The following DGKH variants were observed in gnomAD, a reference collection of about 807,000 sequenced individuals.
DGKH encodes the protein DAG kinase eta.
In DGKH, 90 loss-of-function variants were observed where a neutral mutation model predicts 159.3. That is an observed-to-expected ratio of 0.57 (90% CI 0.48 to 0.67). The LOEUF (loss-of-function observed/expected upper bound fraction) is 0.67. Among genes scored for constraint, DGKH ranks in the 30% least tolerant of loss-of-function variants. The pLI is 0.00. For missense variants in DGKH, 1,181 were observed against 1,506.1 expected (o/e 0.78, Z 3.57); for synonymous variants, 536 against 553.8 (o/e 0.97, Z 0.45).
intron 29 of DGKH, among the ~76,000 whole-genome samples, chr13:42,227,236 C>G (rs998950213): frequency 1.3e-5 from 2 of 152,008 alleles, no homozygotes; most frequent in African/African-American, 4.8e-5. Flanking sequence ...ACCTGCACAT[C>G]CTGCACATGT....
chr13:42,123,828 C>T (rs535521486), intron 1 of DGKH, among the ~76,000 whole-genome samples: 5 of 152,256 alleles, frequency 3.3e-5, no homozygotes, highest in South Asian at 2.1e-4. Flanking sequence ...AAGTGACTGA[C>T]TGAATGTTGG....
chr13:42,188,991 T>C (rs766757053), intron 14 of DGKH, 45 bp from the exon 15 acceptor site: 1 of 1,584,176 alleles, frequency 6.3e-7, no homozygotes, highest in Non-Finnish European at 8.6e-7. Flanking sequence ...CTGCTGATCT[T>C]GATTCTTTTT....
chr13:42,063,441 T>C (rs1378940594), intron 1 of DGKH, among the ~76,000 whole-genome samples: 57 of 152,190 alleles, frequency 3.7e-4, no homozygotes, highest in Non-Finnish European at 1.2e-4. Context: ...GGTTAGCACA[T>C]AATTAGCACT....
chr13:42,206,027 T>TC lies in DGKH; in HGVS notation c.2494-12_2494-11insC. 7.5e-7 allele frequency: 1 copy of TC among 1,335,910 alleles called. No homozygotes were observed. Among genetic ancestry groups the TC allele is most frequent in the Non-Finnish European group, 9.7e-7 (1 of 1,032,312 alleles). 82.8% of individuals were successfully genotyped at this position (1,335,910 alleles called of 1,614,324 possible). On this transcript the variant is annotated splice_polypyrimidine_tract_variant and intron_variant, in intron 20 of 29. Coordinates refer to ENST00000337343, the MANE Select transcript of DGKH (RefSeq NM_178009.5). The stretch of plus-strand genomic sequence containing the variant: ...CTAATCTCTACTTTTTTTTTTTTTT[T>TC]TTACCTTACAGTGTGATGGGCAGTA...
At chr13:42,126,594 G>C (rs1955176282) in intron 1 of DGKH, among the ~76,000 whole-genome samples, 1 of 152,192 alleles carries the variant, frequency 6.6e-6, no homozygotes, top group South Asian at 2.1e-4. Flanking sequence ...GCCTGGCCCA[G>C]GGCCACAGAG....
intron 1 of DGKH, among the ~76,000 whole-genome samples, chr13:42,098,448 C>T (rs1954588998): frequency 6.6e-6 from 1 of 151,708 alleles, no homozygotes; most frequent in South Asian, 2.1e-4. Flanking sequence ...GATCATGCCA[C>T]TGCACTTCAG....
At position 42,234,879 on chromosome 13, in the gene DGKH, G is replaced by A. The variant is rs1472790912; in HGVS notation, c.*5691G>A. 2 of 152,190 alleles carry A rather than the reference G, an allele frequency of 1.3e-5. No individual in the cohort carries two copies. The highest frequency in any genetic ancestry group is 2.9e-5 in the Non-Finnish European group (2 of 68,036). 9.4% of individuals were successfully genotyped at this position (152,190 alleles called of 1,614,324 possible). ...CAGTAATATGATGCCATTGTAATAG[G>A]AGGCCTTCCTAAAGAAGTAACTGCA... On this transcript the variant is annotated 3_prime_UTR_variant, in exon 30 of 30. Coordinates refer to ENST00000337343, the MANE Select transcript of DGKH (RefSeq NM_178009.5).
At chr13:42,142,248 G>C (rs1485221579) in intron 3 of DGKH, among the ~76,000 whole-genome samples, 1 of 152,244 alleles carries the variant, frequency 6.6e-6, no homozygotes, top group African/African-American at 2.4e-5. Flanking sequence ...CTGTTTCATT[G>C]GTCTATATGT....
At chr13:42,104,685 G>T (rs920159465) in intron 1 of DGKH, among the ~76,000 whole-genome samples, 6 of 152,176 alleles carry the variant, frequency 3.9e-5, no homozygotes, top group Non-Finnish European at 7.3e-5. Flanking sequence ...AGTACTGGGA[G>T]AAAGAATGGA....
rs1955192053 is a variant in DGKH, at chr13:42,127,467, G to C, written c.197G>C (p.Ser66Thr). 1 of 1,612,218 alleles carries C rather than the reference G, an allele frequency of 6.2e-7. No individual in the cohort carries two copies. Among genetic ancestry groups the C allele is most frequent in the Non-Finnish European group, 8.5e-7 (1 of 1,178,450 alleles). The change falls in exon 2 of 30, where the codon AGT becomes ACT. Residue 66 changes from serine (S) to threonine (T), a missense_variant. Ser to Thr is a moderately conservative substitution (Grantham distance 58, BLOSUM62 1). This residue lies in a region of DGKH where 136 missense variants were observed against 132.2 expected (regional missense o/e 1.03). Transcript: ENST00000337343. ...TGTGCTTCTGCTTCTCTCTAGACCA[G>C]TATTAAAGAGGGACAGCTATTGAAG... The part of the protein sequence containing the change: ...STSGQIRTKT[S>T]IKEGQLLKQT...
intron 2 of DGKH, among the ~76,000 whole-genome samples, chr13:42,128,936 C>A (rs182019766): frequency 2.4e-4 from 36 of 152,278 alleles, no homozygotes; most frequent in Non-Finnish European, 1.0e-4. Flanking sequence ...GCTGGAACAA[C>A]GCTGAATGAG....
downstream of DGKH, among the ~76,000 whole-genome samples, chr13:42,247,871 CTA>C (rs1354656125): frequency 6.6e-6 from 1 of 151,826 alleles, no homozygotes; most frequent in Non-Finnish European, 1.5e-5. Flanking sequence ...TTTTGTATAA[CTA>C]TATGTTTGTG....
intron 1 of DGKH, among the ~76,000 whole-genome samples, chr13:42,097,336 T>G (rs1187803363): frequency 6.6e-6 from 1 of 152,200 alleles, no homozygotes; most frequent in Admixed American, 6.5e-5. Context: ...CATCTTTTTG[T>G]CTTTTCATTC....
rs1958376655 is a variant in DGKH at position 42,234,544 on chromosome 13, C to G, written c.*5356C>G. ...CTCTCCTGTCTGCCCCCTCTACGCC[C>G]CACTCCAATTAACTCATCCTACATC... On this transcript the variant is annotated 3_prime_UTR_variant, in exon 30 of 30. Transcript: ENST00000337343. 6.6e-6 allele frequency: 1 copy of G among 152,166 alleles called. No individual in the cohort carries two copies. Among genetic ancestry groups the G allele is most frequent in the Admixed American group, 6.5e-5 (1 of 15,268 alleles). 9.4% of individuals were successfully genotyped at this position (152,166 alleles called of 1,614,324 possible).
intron 29 of DGKH, 33 bp downstream of exon 29, chr13:42,221,427 T>A (rs750662132): frequency 4.4e-6 from 7 of 1,607,796 alleles, no homozygotes; most frequent in Non-Finnish European, 5.1e-6. Context: ...TTCTTGAAAA[T>A]TTTATTGCAA....
At chr13:42,101,304 T>C (rs1022147927) in intron 1 of DGKH, among the ~76,000 whole-genome samples, 1 of 152,252 alleles carries the variant, frequency 6.6e-6, no homozygotes, top group Non-Finnish European at 1.5e-5. Flanking sequence ...GGAAGAACAA[T>C]AACGGCACCA....
chr13:42,099,532 C>A (rs748094603), intron 1 of DGKH, among the ~76,000 whole-genome samples: 8 of 152,090 alleles, frequency 5.3e-5, no homozygotes, highest in Non-Finnish European at 8.8e-5. Flanking sequence ...GGGCATAGTT[C>A]AGTGTCTCTG....
chr13:42,108,490 C>T (rs566916259), intron 1 of DGKH, among the ~76,000 whole-genome samples: 1 of 152,208 alleles, frequency 6.6e-6, no homozygotes, highest in South Asian at 2.1e-4. Flanking sequence ...TTACCCAGTG[C>T]CGTGTAGTTA....
At chr13:42,107,875 G>A (rs1232418874) in intron 1 of DGKH, among the ~76,000 whole-genome samples, 3 of 152,070 alleles carry the variant, frequency 2.0e-5, no homozygotes, top group Non-Finnish European at 4.4e-5. Context: ...AGACAGAAGG[G>A]TCCTAGAGTC....
Sources: allele counts gnomAD v4.1 joint callset (sites outside exome capture counted in the v4.1 genomes callset), GRCh38; gene constraint gnomAD v4.1.1; regional missense constraint gnomAD v4.1.1; transcripts MANE v1.5; gene names NCBI Gene and HGNC (gene_info 2026-07-23, HGNC 2026-07-21).